SUGCT: variants seen among roughly 807,000 people sequenced by gnomAD.
The protein encoded by SUGCT is succinyl-CoA:glutarate CoA-transferase.
A neutral mutation model predicts 55.0 loss-of-function variants in SUGCT; 41 were observed. The ratio of observed to expected loss-of-function variants is 0.74; its 90% confidence interval spans 0.58 to 0.97. The LOEUF is 0.97. Ranked by LOEUF, SUGCT falls within the 50% of genes least tolerant of loss-of-function variation. The probability of loss-of-function intolerance (pLI) is 0.00; values close to 1 mark genes in which losing one functional copy is unlikely to be tolerated. For synonymous variants in SUGCT, 187 were observed against 200.4 expected (o/e 0.93, Z 0.56); for missense variants, 568 against 547.8 (o/e 1.04, Z -0.37).
In SUGCT at chr7:40,823,187, C is replaced by T. The variant is rs553596445; in HGVS notation, c.1154-37129C>T. Among the ~76,000 whole-genome samples the T allele has an allele frequency of 3.6e-4, 55 of 152,138 alleles. 1 individual carries two copies. Among genetic ancestry groups the T allele is most frequent in the Admixed American group, 1.2e-3 (18 of 15,270 alleles). The stretch of plus-strand genomic sequence containing the variant: ...CCTATTTGAATTTCATGGAGCAACC[C>T]CCTTAAATAACTTTTAATACCAGAG... On this transcript the variant is annotated intron_variant, in intron 13 of 13. Transcript: ENST00000335693.
intron 13 of SUGCT, among the ~76,000 whole-genome samples, chr7:40,828,040 C>T (rs538499672): frequency 6.6e-6 from 1 of 152,350 alleles, no homozygotes; most frequent in South Asian, 2.1e-4. Flanking sequence ...AATGTGCCCT[C>T]TGTCTACCTG....
In SUGCT at chr7:40,188,508, TACAC is replaced by T; in HGVS notation, c.241_244del (p.Thr81GlufsTer35). ...TATTATTTTCAGGAGCTGGTGATGA[TACAC>T]GAACTTGGGGGCCACCTTTTGTTGG... On this transcript the variant is annotated frameshift_variant, in exon 4 of 14. Coordinates refer to ENST00000335693, the MANE Select transcript of SUGCT (RefSeq NM_001193313.2). LOFTEE classifies it high-confidence loss of function. 1 of 1,606,154 alleles carries T rather than the reference TACAC, an allele frequency of 6.2e-7. No individual in the cohort carries two copies. The highest frequency in any genetic ancestry group is 8.5e-7 in the Non-Finnish European group (1 of 1,176,568).
chr7:40,218,379 G>A (rs1034643245), intron 6 of SUGCT, among the ~76,000 whole-genome samples: 5 of 152,124 alleles, frequency 3.3e-5, no homozygotes, highest in African/African-American at 1.2e-4. Flanking sequence ...TGAAGTGGGG[G>A]GAAAAGTGTT....
chr7:41,013,220 C>T, the SUGCT span, among the ~76,000 whole-genome samples: 1 of 152,138 alleles, frequency 6.6e-6, no homozygotes, highest in African/African-American at 2.4e-5. Flanking sequence ...TTTGGCTGAC[C>T]AGTCATTTAT....
At chr7:40,464,459 G>T (rs1440904031) in intron 11 of SUGCT, among the ~76,000 whole-genome samples, 2 of 152,112 alleles carry the variant, frequency 1.3e-5, no homozygotes, top group East Asian at 1.9e-4. Context: ...GGGACAAACA[G>T]AATTAGGCAG....
rs944590486 is a variant in SUGCT at position 40,323,567 on chromosome 7, G to T, written c.816+6712G>T. ...ACCACCATGCCCAGCTATTTAAAAA[G>T]TTTTTTTTAGAGACAGGGTCTCATC... On this transcript the variant is annotated intron_variant, in intron 9 of 13. Transcript: ENST00000335693. Among the ~76,000 whole-genome samples, 8 of 151,894 alleles carry T rather than the reference G, an allele frequency of 5.3e-5. No homozygotes were observed. The East Asian group carries it at 1.5e-3, about 29-fold the overall frequency.
intron 13 of SUGCT, among the ~76,000 whole-genome samples, chr7:40,777,626 G>A (rs1303302199): frequency 6.6e-6 from 1 of 152,110 alleles, no homozygotes; most frequent in Non-Finnish European, 1.5e-5. Context: ...GGGAGTCCTG[G>A]CATTGCTGTG....
intron 9 of SUGCT, among the ~76,000 whole-genome samples, chr7:40,327,401 G>A (rs1796074102): frequency 6.6e-6 from 1 of 152,190 alleles, no homozygotes; most frequent in Admixed American, 6.5e-5. Flanking sequence ...CACCCTCTGG[G>A]CTACTTCTTA....
intron 13 of SUGCT, among the ~76,000 whole-genome samples, chr7:40,808,685 C>G (rs1032756425): frequency 6.6e-5 from 10 of 152,172 alleles, no homozygotes; most frequent in African/African-American, 2.4e-4. Flanking sequence ...TTGCCCCATT[C>G]CCTGCTTTTA....
intron 13 of SUGCT, among the ~76,000 whole-genome samples, chr7:40,822,389 G>A (rs1476129120): frequency 2.0e-5 from 3 of 152,110 alleles, no homozygotes; most frequent in African/African-American, 7.2e-5. Flanking sequence ...TTATTATTGT[G>A]TGGGAGTCTA....
chr7:40,866,237 G>C, the SUGCT span, among the ~76,000 whole-genome samples: 1 of 152,048 alleles, frequency 6.6e-6, no homozygotes, highest in Non-Finnish European at 1.5e-5. Flanking sequence ...ACTAGAATTT[G>C]GATCTCCATA....
intron 8 of SUGCT, among the ~76,000 whole-genome samples, chr7:40,279,124 A>G (rs373499276): frequency 6.6e-6 from 1 of 151,812 alleles, no homozygotes; most frequent in South Asian, 2.1e-4. Flanking sequence ...GGTGTGAGCC[A>G]CTGCATCCAG....
chr7:40,753,646 AC>A (rs1040856460), intron 13 of SUGCT, among the ~76,000 whole-genome samples: 1 of 152,188 alleles, frequency 6.6e-6, no homozygotes, highest in Admixed American at 6.5e-5. Flanking sequence ...CTTAGTCATT[AC>A]CAGAAACTTG....
intron 12 of SUGCT, among the ~76,000 whole-genome samples, chr7:40,501,630 A>G (rs1173053511): frequency 6.6e-6 from 1 of 152,100 alleles, no homozygotes; most frequent in Non-Finnish European, 1.5e-5. Flanking sequence ...CCCTTCCTTC[A>G]TTCAATCATC....
the SUGCT span, among the ~76,000 whole-genome samples, chr7:40,963,159 G>A: frequency 6.6e-6 from 1 of 151,866 alleles, no homozygotes; most frequent in South Asian, 2.1e-4. Flanking sequence ...CCACATGTAT[G>A]TATTATGCTT....
At chr7:41,015,194 T>C in the SUGCT span, among the ~76,000 whole-genome samples, 1 of 152,204 alleles carries the variant, frequency 6.6e-6, no homozygotes, top group Non-Finnish European at 1.5e-5. Flanking sequence ...AAGAAGAGGC[T>C]TCATTTTAGG....
rs139098610 is a variant in SUGCT, at chr7:40,542,904, A to G, written c.1089+46518A>G. Among the ~76,000 whole-genome samples, 30 of 152,338 alleles carry G rather than the reference A, an allele frequency of 2.0e-4. 2 individuals carry two copies. The East Asian group carries it at 5.0e-3, about 26-fold the overall frequency. On this transcript the variant is annotated intron_variant, in intron 12 of 13. Coordinates refer to ENST00000335693, the MANE Select transcript of SUGCT (RefSeq NM_001193313.2). ...CTATAAGGTAGGATTATGAGTCTCA[A>G]GCATTCTGAAAAGGAATGTCAGACA...
At chr7:40,590,150 G>A (rs1295399182) in intron 12 of SUGCT, among the ~76,000 whole-genome samples, 1 of 152,160 alleles carries the variant, frequency 6.6e-6, no homozygotes, top group Non-Finnish European at 1.5e-5. Flanking sequence ...ACTATGAACT[G>A]CACTCCTAGA....
the SUGCT span, among the ~76,000 whole-genome samples, chr7:40,954,695 G>C: frequency 6.6e-6 from 1 of 152,138 alleles, no homozygotes; most frequent in African/African-American, 2.4e-5. Context: ...TGGTGTTTGA[G>C]TCATGAAGTC....
Sources: gnomAD v4.1 joint callset for allele counts (sites outside exome capture counted in the v4.1 genomes callset) on GRCh38, gnomAD v4.1.1 for gene constraint, MANE v1.5 for transcripts, NCBI Gene and HGNC (gene_info 2026-07-23, HGNC 2026-07-21) for gene names.